RASA2: variants seen among roughly 807,000 people sequenced by gnomAD.
RASA2 encodes the protein ras GTPase-activating protein 2.
RASA2 carries 155 observed loss-of-function variants against 118.2 expected under a neutral mutation model. The ratio of observed to expected loss-of-function variants is 1.31; its 90% CI spans 1.15 to 1.50. The LOEUF (loss-of-function observed/expected upper bound fraction) is 1.50, where lower values mean the gene tolerates loss of function less well. RASA2 is among the 40% of genes most tolerant of loss of function. RASA2 has a pLI of 0.00. For synonymous variants in RASA2, 353 were observed against 349.1 expected, an observed-to-expected ratio of 1.01 and a Z score of -0.12; for missense variants, 1,016 against 1,009.6, an observed-to-expected ratio of 1.01 and a Z score of -0.09.
intron 5 of RASA2, among the ~76,000 whole-genome samples, chr3:141,543,876 C>CTTTTTTTTTTTT (rs529631210): frequency 9.8e-4 from 115 of 117,292 alleles, no homozygotes; most frequent in African/African-American, 1.3e-3. Context: ...TTTCTTTTTT[C>CTTTTTTTTTTTT]TTTTTTTTTT....
intron 4 of RASA2, among the ~76,000 whole-genome samples, chr3:141,531,493 TACAC>T (rs749597436): frequency 6.6e-6 from 1 of 151,538 alleles, no homozygotes; most frequent in East Asian, 1.9e-4. Flanking sequence ...TGTATATATA[TACAC>T]ACACATTACA....
chr3:141,608,518 A>G lies in RASA2; in HGVS notation c.2046A>G (p.Pro682=), dbSNP rs1485541239. The change falls in exon 21 of 24, where the codon CCA becomes CCG. Residue 682 remains proline, a synonymous_variant. Coordinates refer to ENST00000286364, the MANE Select transcript of RASA2 (RefSeq NM_006506.5). ...TCCAAGTAATACATACGGAGAAACCACTCTATGTCCAGGCAAATAACTGTG... is the reference window on the plus strand; with the variant it reads ...TCCAAGTAATACATACGGAGAAACCGCTCTATGTCCAGGCAAATAACTGTG... ...NMFQVIHTEK[P]LYVQANNCVE... 6.2e-7 allele frequency: 1 copy of G among 1,613,798 alleles called. No individual in the cohort carries two copies. Among genetic ancestry groups the G allele is most frequent in the South Asian group, 1.1e-5 (1 of 91,070 alleles).
chr3:141,569,501 AT>A (rs2082879495), intron 9 of RASA2, among the ~76,000 whole-genome samples: 1 of 152,188 alleles, frequency 6.6e-6, no homozygotes, highest in Non-Finnish European at 1.5e-5. Context: ...AAAAATAGGT[AT>A]TTACACTAAC....
intron 17 of RASA2, among the ~76,000 whole-genome samples, chr3:141,584,392 TC>T (rs1184649552): frequency 6.6e-6 from 1 of 151,042 alleles, no homozygotes; most frequent in Non-Finnish European, 1.5e-5. Context: ...ACTGCTGATT[TC>T]CCTTTCCCAT....
chr3:141,505,388 A>G (rs2081850151), intron 1 of RASA2, among the ~76,000 whole-genome samples: 1 of 152,240 alleles, frequency 6.6e-6, no homozygotes, highest in Admixed American at 6.5e-5. Flanking sequence ...GTAGAAACAC[A>G]TGGGAAAGAG....
At chr3:141,571,164 T>C in intron 10 of RASA2, 96 bp downstream of exon 10, 1 of 1,318,604 alleles carries the variant, frequency 7.6e-7, no homozygotes, top group Non-Finnish European at 1.0e-6. Flanking sequence ...CAAGTCTTAT[T>C]AAAACAGTAA....
At chr3:141,561,206 C>G (rs943480364) in intron 9 of RASA2, among the ~76,000 whole-genome samples, 1 of 152,152 alleles carries the variant, frequency 6.6e-6, no homozygotes. Flanking sequence ...ATGAAAATTT[C>G]TGAGCTCAGT....
At chr3:141,526,220 A>C (rs1024037032) in intron 3 of RASA2, 27 of 152,238 alleles carry the variant, frequency 1.8e-4, no homozygotes, top group African/African-American at 6.5e-4. Context: ...GTAGAGACTC[A>C]GTAAATGCTG....
chr3:141,518,418 G>A (rs1244430852), intron 3 of RASA2, among the ~76,000 whole-genome samples: 1 of 138,918 alleles, frequency 7.2e-6, no homozygotes, highest in Admixed American at 7.6e-5. Context: ...GGGAGGCAGA[G>A]GTTGCAGTGA....
At chr3:141,568,012 A>C (rs1418290209) in intron 9 of RASA2, among the ~76,000 whole-genome samples, 1 of 152,202 alleles carries the variant, frequency 6.6e-6, no homozygotes, top group East Asian at 1.9e-4. Context: ...GGAGGGTTGA[A>C]ATTAAATTCA....
chr3:141,572,584 T>A (rs1264737887), intron 11 of RASA2, 25 bp from the exon 12 acceptor site: 1 of 1,513,308 alleles, frequency 6.6e-7, no homozygotes, highest in Non-Finnish European at 9.2e-7. Flanking sequence ...TTTACTACAT[T>A]TGGTTTCATC....
chr3:141,576,273 A>G (rs1390682372), intron 14 of RASA2, among the ~76,000 whole-genome samples: 1 of 152,174 alleles, frequency 6.6e-6, no homozygotes, highest in Admixed American at 6.5e-5. Context: ...AGCAGACAGC[A>G]GGTAGAAAGC....
chr3:141,580,085 A>AAAAATAT (rs1553797703), intron 15 of RASA2, among the ~76,000 whole-genome samples: 12 of 59,594 alleles, frequency 2.0e-4, no homozygotes, highest in East Asian at 7.9e-4. Context: ...AAAAAAAAAA[A>AAAAATAT]ATATATATAT....
chr3:141,487,410 C>G (rs1405158364), intron 1 of RASA2, among the ~76,000 whole-genome samples, 194 bp downstream of exon 1: 2 of 149,204 alleles, frequency 1.3e-5, no homozygotes, highest in Non-Finnish European at 3.0e-5. Context: ...CGGCGTGGGC[C>G]GGGGCTGCTG....
At chr3:141,581,276 A>G (rs2083109975) in intron 17 of RASA2, 99 bp downstream of exon 17, 1 of 971,462 alleles carries the variant, frequency 1.0e-6, no homozygotes, top group Non-Finnish European at 1.4e-6. Context: ...CAGTTTAAAT[A>G]ATAATGTTTA....
At chr3:141,551,334 G>T (rs2082571978) in intron 5 of RASA2, among the ~76,000 whole-genome samples, 1 of 152,176 alleles carries the variant, frequency 6.6e-6, no homozygotes. Context: ...GAATTACCAG[G>T]TTTTCTACTG....
intron 5 of RASA2, 47 bp from the exon 6 acceptor site, chr3:141,553,810 T>G (rs763401779): frequency 2.5e-6 from 4 of 1,578,630 alleles, no homozygotes; most frequent in Non-Finnish European, 3.4e-6. Context: ...TGTTTTATCT[T>G]GTTTAACTGG....
intron 8 of RASA2, 132 bp from the exon 9 acceptor site, chr3:141,559,762 T>C (rs2082702873): frequency 1.5e-6 from 1 of 679,362 alleles, no homozygotes; most frequent in African/African-American, 1.8e-5. Flanking sequence ...GGTATGTATA[T>C]GGTGTTGCTA....
intron 1 of RASA2, among the ~76,000 whole-genome samples, chr3:141,498,949 C>T (rs1162699383): frequency 1.3e-5 from 2 of 152,086 alleles, no homozygotes; most frequent in East Asian, 3.9e-4. Flanking sequence ...GCTTGTAGAT[C>T]AGCACACATT....
Sources: allele counts gnomAD v4.1 joint callset (sites outside exome capture counted in the v4.1 genomes callset), GRCh38; gene constraint gnomAD v4.1.1; transcripts MANE v1.5; gene names NCBI Gene and HGNC (gene_info 2026-07-23, HGNC 2026-07-21).